SPINK13: variants seen among roughly 807,000 people sequenced by gnomAD.
SPINK13 encodes serine peptidase inhibitor Kazal type 13, also known as serine protease inhibitor Kazal-type 13.
In SPINK13, 11 loss-of-function variants were observed where a neutral mutation model predicts 11.0. The ratio of observed to expected loss-of-function variants is 1.00; its 90% CI spans 0.63 to 1.65. The LOEUF is 1.65. Ranked by LOEUF, SPINK13 falls within the 40% of genes most tolerant of loss-of-function variation. The probability of loss-of-function intolerance (pLI) is 0.00; values close to 1 mark genes in which losing one functional copy is unlikely to be tolerated. For synonymous variants in SPINK13, 31 were observed against 35.6 expected (o/e 0.87, Z 0.46); for missense variants, 113 against 117.7 (o/e 0.96, Z 0.19).
chr5:148,273,568 G>A (rs1397459506), intron 2 of SPINK13, among the ~76,000 whole-genome samples: 2 of 151,972 alleles, frequency 1.3e-5, no homozygotes, highest in Admixed American at 6.6e-5. Flanking sequence ...GTAGATAAAA[G>A]CATTCTATCT....
chr5:148,284,886 T>C (rs571483546), intron 4 of SPINK13, among the ~76,000 whole-genome samples: 47 of 152,312 alleles, frequency 3.1e-4, no homozygotes, highest in Admixed American at 2.6e-4. Flanking sequence ...TGGTAATATA[T>C]GCTAGGAAAA....
At chr5:148,271,015 T>C (rs539391427) in intron 2 of SPINK13, 1 of 152,372 alleles carries the variant, frequency 6.6e-6, no homozygotes, top group African/African-American at 2.4e-5. Flanking sequence ...ATAATAAATT[T>C]GTGTTTTGTT....
intron 3 of SPINK13, among the ~76,000 whole-genome samples, chr5:148,280,709 G>A (rs1045793120): frequency 6.6e-6 from 1 of 152,210 alleles, no homozygotes; most frequent in East Asian, 1.9e-4. Flanking sequence ...CCTCTTTGAG[G>A]TGTCCGTAGA....
At chr5:148,285,471 G>C (rs550847865) in intron 4 of SPINK13, among the ~76,000 whole-genome samples, 1 of 152,294 alleles carries the variant, frequency 6.6e-6, no homozygotes, top group South Asian at 2.1e-4. Flanking sequence ...TGTCTTTAGA[G>C]ATGTAATACA....
intron 1 of SPINK13, among the ~76,000 whole-genome samples, chr5:148,269,699 G>C (rs898097380): frequency 6.6e-6 from 1 of 152,110 alleles, no homozygotes; most frequent in African/African-American, 2.4e-5. Flanking sequence ...AGCAGCTTAG[G>C]TAATTAACAG....
chr5:148,269,892 C>G (rs1041542828), intron 1 of SPINK13, 148 bp from the exon 2 acceptor site: 3 of 461,174 alleles, frequency 6.5e-6, no homozygotes, highest in Non-Finnish European at 1.1e-5. Context: ...CAAAAGGGCT[C>G]TCTCAGGCCT....
chr5:148,275,777 C>T (rs1756418182), intron 3 of SPINK13, among the ~76,000 whole-genome samples: 1 of 152,008 alleles, frequency 6.6e-6, no homozygotes, highest in African/African-American at 2.4e-5. Flanking sequence ...TCTCCTGCCT[C>T]AGCCTCCCGA....
intron 2 of SPINK13, among the ~76,000 whole-genome samples, chr5:148,271,995 C>T (rs1756358693): frequency 6.6e-6 from 1 of 152,170 alleles, no homozygotes; most frequent in Non-Finnish European, 1.5e-5. Flanking sequence ...CTTTTTCCTA[C>T]ATATTGTTTA....
chr5:148,270,872 A>G (rs1470732646), intron 2 of SPINK13: 1 of 152,244 alleles, frequency 6.6e-6, no homozygotes, highest in African/African-American at 2.4e-5. Context: ...TAAAAGGGCC[A>G]TGGGCCGAGG....
intron 3 of SPINK13, among the ~76,000 whole-genome samples, chr5:148,279,090 G>GTT (rs1581167039): frequency 9.8e-6 from 1 of 102,532 alleles, no homozygotes; most frequent in Non-Finnish European, 1.9e-5. Flanking sequence ...TGCAACCCCT[G>GTT]CTTTTTTTTT....
At position 148,274,447 on chromosome 5, in the gene SPINK13, G is replaced by C. The variant is rs1756395064; in HGVS notation, c.108+63G>C. 2.2e-6 allele frequency: 3 copies of C among 1,376,402 alleles called. No homozygotes were observed. In the Admixed American group the frequency reaches 5.4e-5, roughly 25 times the overall value. 85.3% of individuals were successfully genotyped at this position (1,376,402 alleles called of 1,614,324 possible). On this transcript the variant is annotated intron_variant, in intron 3 of 4. Coordinates refer to ENST00000398450, the MANE Select transcript of SPINK13 (RefSeq NM_001040129.3). ...GTCTAATCACTCTCCAGACATGAGA[G>C]ATCTAAAACTTCATGGAAAGTCAGG...
chr5:148,271,870 C>T (rs545028232), intron 2 of SPINK13, among the ~76,000 whole-genome samples: 104 of 152,026 alleles, frequency 6.8e-4, no homozygotes, highest in African/African-American at 2.4e-3. Flanking sequence ...GTGATCCGCC[C>T]GCCTGGCCTC....
chr5:148,278,432 C>G (rs192314920), intron 3 of SPINK13, among the ~76,000 whole-genome samples: 1 of 152,338 alleles, frequency 6.6e-6, no homozygotes, highest in East Asian at 1.9e-4. Flanking sequence ...CCTCTGAACA[C>G]TGCTTTAGCT....
intron 3 of SPINK13, among the ~76,000 whole-genome samples, chr5:148,281,201 G>A (rs1419905127): frequency 6.6e-6 from 1 of 152,134 alleles, no homozygotes; most frequent in Non-Finnish European, 1.5e-5. Context: ...TCAAGCCAGT[G>A]GATCTTAGCT....
intron 4 of SPINK13, among the ~76,000 whole-genome samples, chr5:148,283,868 T>G (rs888457912): frequency 6.6e-6 from 1 of 152,210 alleles, no homozygotes; most frequent in African/African-American, 2.4e-5. Context: ...GATAATGCCC[T>G]GGCCTCTGGA....
chr5:148,271,305 A>C (rs537766508), intron 2 of SPINK13, among the ~76,000 whole-genome samples: 31 of 152,204 alleles, frequency 2.0e-4, no homozygotes, highest in Non-Finnish European at 4.3e-4. Context: ...ACTTGGTTCA[A>C]TAAATTTCAT....
At chr5:148,274,300 T>C in intron 2 of SPINK13, 47 bp from the exon 3 acceptor site, 1 of 1,426,946 alleles carries the variant, frequency 7.0e-7, no homozygotes, top group South Asian at 1.2e-5. Context: ...TTATATCCCA[T>C]GGAGAACTAT....
chr5:148,283,307 G>A (rs1366382120), intron 4 of SPINK13, among the ~76,000 whole-genome samples: 1 of 152,170 alleles, frequency 6.6e-6, no homozygotes, highest in Non-Finnish European at 1.5e-5. Context: ...GAGTGCTCCA[G>A]GACCCTAGGT....
intron 3 of SPINK13, among the ~76,000 whole-genome samples, chr5:148,279,871 G>A (rs755725920): frequency 3.5e-4 from 54 of 152,146 alleles, no homozygotes; most frequent in Non-Finnish European, 6.0e-4. Flanking sequence ...ATATCCTGAA[G>A]GGTGTTTTCC....
Sources: allele counts gnomAD v4.1 joint callset (sites outside exome capture counted in the v4.1 genomes callset), GRCh38; gene constraint gnomAD v4.1.1; transcripts MANE v1.5; gene names NCBI Gene and HGNC (gene_info 2026-07-23, HGNC 2026-07-21).